The following ROBO2 variants were observed in gnomAD, a reference collection of about 807,000 sequenced individuals.
ROBO2 encodes roundabout guidance receptor 2.
A neutral mutation model predicts 160.8 loss-of-function variants in ROBO2; 53 were observed. The ratio of observed to expected loss-of-function variants is 0.33; its 90% CI spans 0.26 to 0.41. The LOEUF (loss-of-function observed/expected upper bound fraction) is 0.41. Ranked by LOEUF, ROBO2 falls within the 10% of genes least tolerant of loss-of-function variation. The probability of loss-of-function intolerance (pLI) is 1.00; values close to 1 mark genes in which losing one functional copy is unlikely to be tolerated. For missense variants in ROBO2, 1,577 were observed against 1,722.4 expected, an observed-to-expected ratio of 0.92 and a Z score of 1.49; for synonymous variants, 664 against 611.7, an observed-to-expected ratio of 1.09 and a Z score of -1.26.
At chr3:75,912,873 T>TC (rs1247739631) in intron 1 of ROBO2, among the ~76,000 whole-genome samples, 4 of 152,198 alleles carry the variant, frequency 2.6e-5, no homozygotes, top group Non-Finnish European at 5.9e-5. Flanking sequence ...TCCCTTAAGT[T>TC]TGTCACTATT....
chr3:77,372,576 C>G (rs546651214), intron 2 of ROBO2, among the ~76,000 whole-genome samples: 21 of 152,136 alleles, frequency 1.4e-4, no homozygotes, highest in African/African-American at 5.1e-4. Context: ...TGCTTAAAGT[C>G]ATAGAATAAT....
intron 2 of ROBO2, among the ~76,000 whole-genome samples, chr3:76,009,663 G>A (rs1360081798): frequency 6.6e-6 from 1 of 152,056 alleles, no homozygotes; most frequent in African/African-American, 2.4e-5. Flanking sequence ...TCCTATTTAT[G>A]GTTAATATTT....
At chr3:76,602,599 C>A (rs1258796656) in intron 2 of ROBO2, among the ~76,000 whole-genome samples, 1 of 152,216 alleles carries the variant, frequency 6.6e-6, no homozygotes, top group Non-Finnish European at 1.5e-5. Context: ...TCATGAGACT[C>A]ATTCACTTTC....
intron 2 of ROBO2, among the ~76,000 whole-genome samples, chr3:76,282,190 T>A (rs562466157): frequency 6.6e-6 from 1 of 151,996 alleles, no homozygotes; most frequent in Non-Finnish European, 1.5e-5. Flanking sequence ...TTCCAACTGT[T>A]TAGTTGGGGG....
intron 2 of ROBO2, among the ~76,000 whole-genome samples, chr3:76,415,357 C>A (rs996717756): frequency 6.6e-6 from 1 of 152,176 alleles, no homozygotes; most frequent in Non-Finnish European, 1.5e-5. Flanking sequence ...CTGAAAGGCT[C>A]TGAAGAAGGC....
intron 2 of ROBO2, among the ~76,000 whole-genome samples, chr3:76,305,224 T>A (rs542689991): frequency 2.0e-5 from 3 of 151,062 alleles, no homozygotes; most frequent in South Asian, 2.1e-4. Context: ...TTCCTGTCTC[T>A]ACAAAAAGCT....
At chr3:76,027,513 G>A (rs2066784399) in intron 2 of ROBO2, among the ~76,000 whole-genome samples, 1 of 151,892 alleles carries the variant, frequency 6.6e-6, no homozygotes, top group Non-Finnish European at 1.5e-5. Context: ...GTGAGCCACT[G>A]TTGGTTGCTA....
At chr3:76,512,519 T>C (rs898006419) in intron 2 of ROBO2, among the ~76,000 whole-genome samples, 1 of 152,016 alleles carries the variant, frequency 6.6e-6, no homozygotes, top group Non-Finnish European at 1.5e-5. Flanking sequence ...TGTTCTGCAC[T>C]TAGCTGTGAA....
chr3:77,024,523 G>GT (rs2062834933), intron 2 of ROBO2, among the ~76,000 whole-genome samples: 1 of 152,136 alleles, frequency 6.6e-6, no homozygotes, highest in Non-Finnish European at 1.5e-5. Context: ...ATGATCTGGT[G>GT]TTTAGGGAGA....
chr3:75,957,830 C>T (rs977787034), intron 2 of ROBO2, among the ~76,000 whole-genome samples: 1 of 151,336 alleles, frequency 6.6e-6, no homozygotes, highest in African/African-American at 2.4e-5. Flanking sequence ...GGTTAATATT[C>T]TGTTTTACCT....
intron 2 of ROBO2, among the ~76,000 whole-genome samples, chr3:77,420,203 A>T (rs1468505241): frequency 6.6e-6 from 1 of 152,024 alleles, no homozygotes; most frequent in Admixed American, 6.6e-5. Context: ...ATGAATTTTC[A>T]TTTCAAAGGA....
intron 4 of ROBO2, among the ~76,000 whole-genome samples, chr3:77,491,740 A>G (rs549540781): frequency 6.6e-6 from 1 of 152,126 alleles, no homozygotes; most frequent in African/African-American, 2.4e-5. Context: ...CATTTACAAA[A>G]TTTTTCATGA....
At chr3:76,349,964 C>T (rs1304102933) in intron 2 of ROBO2, among the ~76,000 whole-genome samples, 1 of 151,972 alleles carries the variant, frequency 6.6e-6, no homozygotes, top group Non-Finnish European at 1.5e-5. Context: ...CAAACCTGCC[C>T]TTTGCTCCAG....
intron 2 of ROBO2, among the ~76,000 whole-genome samples, chr3:76,080,418 A>C (rs2068786959): frequency 6.6e-6 from 1 of 152,170 alleles, no homozygotes; most frequent in Non-Finnish European, 1.5e-5. Flanking sequence ...GGGTGGAAGA[A>C]CTGGAGCCTG....
chr3:76,525,040 G>A (rs984427251), intron 2 of ROBO2, among the ~76,000 whole-genome samples: 2 of 151,514 alleles, frequency 1.3e-5, no homozygotes, highest in Non-Finnish European at 3.0e-5. Flanking sequence ...AGATACTGAG[G>A]TGTAAACAAA....
intron 23 of ROBO2, chr3:77,632,666 C>A: frequency 6.5e-7 from 1 of 1,528,658 alleles, no homozygotes; most frequent in East Asian, 2.5e-5. Context: ...GGTTGGTAGA[C>A]TCCAAGTCAA....
intron 1 of ROBO2, among the ~76,000 whole-genome samples, chr3:77,079,910 C>G (rs2068453532): frequency 1.3e-5 from 2 of 152,146 alleles, no homozygotes; most frequent in Admixed American, 1.3e-4. Flanking sequence ...AAAGTTGTGT[C>G]TCAATATGAC....
At chr3:77,502,627 G>T (rs1374320099) in intron 5 of ROBO2, among the ~76,000 whole-genome samples, 1 of 152,030 alleles carries the variant, frequency 6.6e-6, no homozygotes, top group Non-Finnish European at 1.5e-5. Context: ...CCATCTATGG[G>T]TGCCACATCT....
intron 2 of ROBO2, among the ~76,000 whole-genome samples, chr3:76,469,157 C>CAT (rs1486834961): frequency 6.6e-6 from 1 of 151,926 alleles, no homozygotes; most frequent in East Asian, 1.9e-4. Context: ...TTCATATTAC[C>CAT]TCAAAATGTA....
Sources: allele counts gnomAD v4.1 joint callset (sites outside exome capture counted in the v4.1 genomes callset), GRCh38; gene constraint gnomAD v4.1.1; transcripts MANE v1.5; gene names NCBI Gene and HGNC (gene_info 2026-07-23, HGNC 2026-07-21).